The following GALNT13 variants were observed in gnomAD, a reference collection of about 807,000 sequenced individuals.
The protein encoded by GALNT13 is UDP-GalNAc:polypeptide N-acetylgalactosaminyltransferase 13.
In GALNT13, 28 loss-of-function variants were observed where a neutral mutation model predicts 64.2. The ratio of observed to expected loss-of-function variants is 0.44; its 90% CI spans 0.32 to 0.60. The LOEUF (loss-of-function observed/expected upper bound fraction) is 0.60, where lower values mean the gene tolerates loss of function less well. Ranked by LOEUF, GALNT13 falls within the 20% of genes least tolerant of loss-of-function variation. GALNT13 has a pLI of 0.05. For synonymous variants in GALNT13, 214 were observed against 224.6 expected (o/e 0.95, Z 0.42); for missense variants, 577 against 669.8 (o/e 0.86, Z 1.53).
At chr2:153,579,393 T>C in the GALNT13 span, among the ~76,000 whole-genome samples, 1 of 152,138 alleles carries the variant, frequency 6.6e-6, no homozygotes, top group African/African-American at 2.4e-5. Flanking sequence ...AAGCCATCAG[T>C]CGAACTGAAG....
chr2:153,787,276 A>T, the GALNT13 span, among the ~76,000 whole-genome samples: 1 of 152,104 alleles, frequency 6.6e-6, no homozygotes. Context: ...AAGCCTACCA[A>T]CTGACCGCTA....
At chr2:153,218,034 T>G in the GALNT13 span, among the ~76,000 whole-genome samples, 2 of 152,170 alleles carry the variant, frequency 1.3e-5, no homozygotes, top group African/African-American at 2.4e-5. Context: ...GATTTGTTAT[T>G]GATGGATACC....
chr2:154,162,216 T>G (rs1442049385), intron 4 of GALNT13, among the ~76,000 whole-genome samples: 2 of 152,112 alleles, frequency 1.3e-5, no homozygotes, highest in African/African-American at 4.8e-5. Flanking sequence ...AAAGAAATTG[T>G]TGTTGATAAA....
chr2:154,091,174 G>A (rs138915559), intron 3 of GALNT13, among the ~76,000 whole-genome samples: 1 of 151,982 alleles, frequency 6.6e-6, no homozygotes, highest in Non-Finnish European at 1.5e-5. Context: ...CAATATTCTT[G>A]TTGAGAAGAT....
At chr2:153,466,425 G>A in the GALNT13 span, among the ~76,000 whole-genome samples, 1 of 148,460 alleles carries the variant, frequency 6.7e-6, no homozygotes, top group East Asian at 1.9e-4. Context: ...ATCTAACATA[G>A]TGTTGGAATC....
chr2:153,168,811 A>C, the GALNT13 span, among the ~76,000 whole-genome samples: 1 of 152,228 alleles, frequency 6.6e-6, no homozygotes, highest in Non-Finnish European at 1.5e-5. Context: ...CAAACTTCTT[A>C]CCATATTGTT....
chr2:153,460,876 A>G, the GALNT13 span, among the ~76,000 whole-genome samples: 12 of 152,276 alleles, frequency 7.9e-5, no homozygotes, highest in Middle Eastern at 3.4e-3. Context: ...GGGGACTTGT[A>G]TGAATTACAC....
At chr2:154,448,911 G>A (rs1701732083) in intron 12 of GALNT13, among the ~76,000 whole-genome samples, 1 of 151,914 alleles carries the variant, frequency 6.6e-6, no homozygotes, top group African/African-American at 2.4e-5. Context: ...AATGGTAAGT[G>A]ATATTTTTGA....
the GALNT13 span, among the ~76,000 whole-genome samples, chr2:153,802,812 T>C: frequency 6.6e-6 from 1 of 152,216 alleles, no homozygotes; most frequent in African/African-American, 2.4e-5. Flanking sequence ...AAAATACCTC[T>C]AAAACTACTG....
chr2:154,369,697 G>C (rs368476943), intron 9 of GALNT13, among the ~76,000 whole-genome samples: 2 of 152,100 alleles, frequency 1.3e-5, no homozygotes, highest in African/African-American at 4.8e-5. Context: ...GCAGATATTC[G>C]AATCACAGCA....
intron 2 of GALNT13, among the ~76,000 whole-genome samples, chr2:153,913,569 T>C (rs1689129092): frequency 6.6e-6 from 1 of 152,180 alleles, no homozygotes; most frequent in East Asian, 1.9e-4. Context: ...GAGTTCTGGC[T>C]CTAACACTTT....
At chr2:153,440,704 A>G in the GALNT13 span, among the ~76,000 whole-genome samples, 13 of 152,266 alleles carry the variant, frequency 8.5e-5, no homozygotes, top group Middle Eastern at 3.4e-3. Flanking sequence ...ATGACCAGTG[A>G]TGATATGCTT....
chr2:153,134,700 C>T, the GALNT13 span, among the ~76,000 whole-genome samples: 1 of 152,102 alleles, frequency 6.6e-6, no homozygotes, highest in African/African-American at 2.4e-5. Context: ...CACACCTAGG[C>T]CTATGCTTCA....
At chr2:154,437,653 G>T (rs1205753284) in intron 11 of GALNT13, 2 of 541,672 alleles carry the variant, frequency 3.7e-6, no homozygotes, top group East Asian at 1.4e-4. Flanking sequence ...TCGGGAGATT[G>T]AGACCATCCT....
chr2:153,364,842 A>AT, the GALNT13 span, among the ~76,000 whole-genome samples: 1 of 152,216 alleles, frequency 6.6e-6, no homozygotes, highest in Non-Finnish European at 1.5e-5. Context: ...TGCTAATCCC[A>AT]TCAAACTACC....
chr2:153,752,061 C>T, the GALNT13 span, among the ~76,000 whole-genome samples: 4 of 151,862 alleles, frequency 2.6e-5, no homozygotes, highest in Non-Finnish European at 4.4e-5. Flanking sequence ...TTATTTTCAC[C>T]AGATAACAAT....
chr2:154,038,658 C>A (rs1401674304), intron 3 of GALNT13, among the ~76,000 whole-genome samples: 1 of 151,970 alleles, frequency 6.6e-6, no homozygotes, highest in Admixed American at 6.6e-5. Context: ...AATATAAAAT[C>A]ACTAGAAGAA....
At chr2:153,730,226 A>G in the GALNT13 span, among the ~76,000 whole-genome samples, 1 of 152,072 alleles carries the variant, frequency 6.6e-6, no homozygotes, top group African/African-American at 2.4e-5. Context: ...AGAGCATGGT[A>G]CTGGTTTAAA....
At chr2:153,874,634 C>G (rs1019105692) in intron 1 of GALNT13, among the ~76,000 whole-genome samples, 1 of 151,992 alleles carries the variant, frequency 6.6e-6, no homozygotes, top group Non-Finnish European at 1.5e-5. Flanking sequence ...TAGCATGCAG[C>G]GGATCATAGG....
Sources: gnomAD v4.1 joint callset for allele counts (sites outside exome capture counted in the v4.1 genomes callset) on GRCh38, gnomAD v4.1.1 for gene constraint, MANE v1.5 for transcripts, NCBI Gene and HGNC (gene_info 2026-07-23, HGNC 2026-07-21) for gene names.